The following ASTN1 variants were observed in gnomAD, a reference collection of about 807,000 sequenced individuals.
ASTN1 encodes the protein astrotactin 1.
In ASTN1, 41 loss-of-function variants were observed where a neutral mutation model predicts 140.7. The observed-to-expected ratio is 0.29, with a 90% confidence interval of 0.23 to 0.38. The LOEUF (loss-of-function observed/expected upper bound fraction) is 0.38, where lower values mean the gene tolerates loss of function less well. ASTN1 is among the 10% of genes least tolerant of loss of function. The pLI is 1.00. For synonymous variants in ASTN1, 640 were observed against 652.2 expected (o/e 0.98, Z 0.29); for missense variants, 1,479 against 1,678.8 (o/e 0.88, Z 2.08).
At chr1:176,960,626 T>C (rs895456559) in intron 9 of ASTN1, among the ~76,000 whole-genome samples, 2 of 152,204 alleles carry the variant, frequency 1.3e-5, no homozygotes, top group Non-Finnish European at 2.9e-5. Flanking sequence ...ACCCTGTACC[T>C]ACAGAATAAA....
intron 1 of ASTN1, among the ~76,000 whole-genome samples, chr1:177,144,890 T>C (rs2102231653): frequency 6.6e-6 from 1 of 152,232 alleles, no homozygotes; most frequent in Non-Finnish European, 1.5e-5. Context: ...TCCCTAAAAC[T>C]CATCACCTCC....
intron 1 of ASTN1, among the ~76,000 whole-genome samples, chr1:177,068,291 G>T (rs551011864): frequency 6.6e-6 from 1 of 152,224 alleles, no homozygotes; most frequent in Admixed American, 6.5e-5. Context: ...TGGAACAAAA[G>T]CTTTAGAGCA....
chr1:177,006,900 C>T (rs1434139371), intron 8 of ASTN1, among the ~76,000 whole-genome samples: 6 of 152,262 alleles, frequency 3.9e-5, no homozygotes, highest in African/African-American at 1.4e-4. Flanking sequence ...AGCAGGCTGT[C>T]AAACATAGAC....
intron 14 of ASTN1, among the ~76,000 whole-genome samples, chr1:176,938,391 C>T (rs971284024): frequency 6.6e-6 from 1 of 152,104 alleles, no homozygotes; most frequent in Non-Finnish European, 1.5e-5. Context: ...AAATAACAAG[C>T]CCACTAAATA....
At chr1:177,031,730 A>T (rs1676455572) in intron 3 of ASTN1, among the ~76,000 whole-genome samples, 1 of 152,220 alleles carries the variant, frequency 6.6e-6, no homozygotes, top group South Asian at 2.1e-4. Flanking sequence ...TCTTTGAAGG[A>T]TCACTGTCAA....
At chr1:177,164,268 C>T (rs932519952) in intron 1 of ASTN1, 126 bp downstream of exon 1, 3 of 1,037,538 alleles carry the variant, frequency 2.9e-6, no homozygotes, top group Non-Finnish European at 4.0e-6. Flanking sequence ...GGGAGTGGGG[C>T]GGATCCGGGA....
intron 14 of ASTN1, among the ~76,000 whole-genome samples, chr1:176,942,356 G>T (rs1671753752): frequency 6.6e-6 from 1 of 152,102 alleles, no homozygotes; most frequent in Non-Finnish European, 1.5e-5. Flanking sequence ...CTGCTGCCAG[G>T]CTCCAGAGCT....
At chr1:177,065,517 A>G (rs1378689339) in intron 1 of ASTN1, among the ~76,000 whole-genome samples, 1 of 152,234 alleles carries the variant, frequency 6.6e-6, no homozygotes, top group African/African-American at 2.4e-5. Flanking sequence ...AGCAGTGCTG[A>G]ATGCAGAGCG....
At chr1:176,963,360 C>T (rs1672747244) in intron 9 of ASTN1, among the ~76,000 whole-genome samples, 1 of 152,160 alleles carries the variant, frequency 6.6e-6, no homozygotes, top group Non-Finnish European at 1.5e-5. Context: ...AGGTGGTTTA[C>T]TCAGATGCCA....
chr1:177,156,744 A>C (rs550251266), intron 1 of ASTN1, among the ~76,000 whole-genome samples: 7 of 152,020 alleles, frequency 4.6e-5, no homozygotes, highest in African/African-American at 1.7e-4. Flanking sequence ...AGAGGGTAAA[A>C]AGGTAACTTT....
At chr1:176,910,060 C>T (rs761693248) in intron 16 of ASTN1, among the ~76,000 whole-genome samples, 8 of 152,036 alleles carry the variant, frequency 5.3e-5, no homozygotes, top group Non-Finnish European at 1.0e-4. Flanking sequence ...AACAAAACAC[C>T]CCCAATTCCA....
intron 1 of ASTN1, among the ~76,000 whole-genome samples, chr1:177,064,569 GAGC>G (rs756455674): frequency 5.3e-5 from 8 of 152,198 alleles, no homozygotes; most frequent in Non-Finnish European, 1.0e-4. Context: ...GGTGGGCTGA[GAGC>G]ACAGCCTCTG....
At position 177,091,752 on chromosome 1, in the gene ASTN1, G is replaced by T. The variant is rs561831219; in HGVS notation, c.284-30487C>A. ...CCACTAATCAACTTTCTGTCTCTAT[G>T]TATTTGCCTATTATGACATCTCTTA... is the stretch of plus-strand genomic sequence containing the variant. On this transcript the variant is annotated intron_variant, in intron 1 of 22. Transcript: ENST00000361833. 4.6e-5 allele frequency among the ~76,000 whole-genome samples: 7 copies of T among 152,132 alleles called. No homozygotes were observed. The South Asian group carries it at 1.2e-3, about 27-fold the overall frequency.
intron 1 of ASTN1, among the ~76,000 whole-genome samples, chr1:177,094,556 T>C (rs571330183): frequency 1.3e-5 from 2 of 152,200 alleles, no homozygotes; most frequent in African/African-American, 4.8e-5. Flanking sequence ...ACACCAAATG[T>C]GCTAGTGGCT....
At chr1:176,933,048 G>T (rs1671276025) in intron 16 of ASTN1, among the ~76,000 whole-genome samples, 1 of 152,236 alleles carries the variant, frequency 6.6e-6, no homozygotes, top group African/African-American at 2.4e-5. Context: ...GAAGCCTGTG[G>T]TTTTGTTTCT....
intron 16 of ASTN1, among the ~76,000 whole-genome samples, chr1:176,922,556 C>CAAAAAAAAAAAAAAAAAAAAAAAAAAAAA (rs71129589): frequency 2.6e-5 from 2 of 77,588 alleles, no homozygotes; most frequent in African/African-American, 5.0e-5. Context: ...GCCCCCACTG[C>CAAAAAAAAAAAAAAAAAAAAAAAAAAAAA]AAAAAAAAAA....
intron 1 of ASTN1, among the ~76,000 whole-genome samples, chr1:177,112,970 CTT>C (rs781558941): frequency 2.0e-5 from 3 of 152,222 alleles, no homozygotes; most frequent in Non-Finnish European, 2.9e-5. Context: ...GTAGAGCTAA[CTT>C]TAACTAGCTA....
chr1:177,099,470 T>C (rs574039273), intron 1 of ASTN1, among the ~76,000 whole-genome samples: 3 of 152,122 alleles, frequency 2.0e-5, no homozygotes, highest in Non-Finnish European at 4.4e-5. Context: ...ACATAAGAGA[T>C]AACCACAGGC....
intron 1 of ASTN1, among the ~76,000 whole-genome samples, chr1:177,152,943 A>G (rs1683101016): frequency 6.6e-6 from 1 of 152,226 alleles, no homozygotes; most frequent in Non-Finnish European, 1.5e-5. Flanking sequence ...GGAATTTATT[A>G]TATGATAAAG....
Sources: gnomAD v4.1 joint callset for allele counts (sites outside exome capture counted in the v4.1 genomes callset) on GRCh38, gnomAD v4.1.1 for gene constraint, MANE v1.5 for transcripts, NCBI Gene and HGNC (gene_info 2026-07-23, HGNC 2026-07-21) for gene names.